CTNNA3: variants seen among roughly 807,000 people sequenced by gnomAD.
CTNNA3 encodes catenin alpha 3.
CTNNA3 carries 76 observed loss-of-function variants against 95.7 expected under a neutral mutation model. The ratio of observed to expected loss-of-function variants is 0.79; its 90% CI spans 0.66 to 0.96. The LOEUF (loss-of-function observed/expected upper bound fraction) is 0.96. CTNNA3 is among the 40% of genes least tolerant of loss of function. The probability of loss-of-function intolerance (pLI) is 0.00; values close to 1 mark genes in which losing one functional copy is unlikely to be tolerated. For missense variants in CTNNA3, 1,191 were observed against 1,089.8 expected, an observed-to-expected ratio of 1.09 and a Z score of -1.31; for synonymous variants, 431 against 374.4, an observed-to-expected ratio of 1.15 and a Z score of -1.74.
chr10:67,365,768 A>G (rs1238140043), intron 5 of CTNNA3, among the ~76,000 whole-genome samples: 1 of 152,254 alleles, frequency 6.6e-6, no homozygotes, highest in Admixed American at 6.5e-5. Context: ...ACGCTTTTAC[A>G]CTGTTGATGG....
intron 15 of CTNNA3, among the ~76,000 whole-genome samples, chr10:66,047,280 T>C (rs185442223): frequency 1.1e-4 from 16 of 152,252 alleles, no homozygotes; most frequent in Admixed American, 1.0e-3. Flanking sequence ...ACTAATCCAC[T>C]ATGATTAAGT....
chr10:67,659,392 C>T (rs1047122064), intron 1 of CTNNA3, among the ~76,000 whole-genome samples: 1 of 152,204 alleles, frequency 6.6e-6, no homozygotes, highest in Middle Eastern at 3.2e-3. Flanking sequence ...CAATGGCACA[C>T]ATTTTCAAAA....
intron 13 of CTNNA3, among the ~76,000 whole-genome samples, chr10:66,262,165 C>T (rs2091024049): frequency 6.6e-6 from 1 of 151,918 alleles, no homozygotes; most frequent in African/African-American, 2.4e-5. Context: ...TAATTAGCTA[C>T]GTGGATATAG....
At chr10:66,132,990 A>C (rs1252561866) in intron 13 of CTNNA3, among the ~76,000 whole-genome samples, 1 of 152,102 alleles carries the variant, frequency 6.6e-6, no homozygotes, top group Non-Finnish European at 1.5e-5. Flanking sequence ...CTGTACAGCA[A>C]ACCCCCGTGA....
intron 15 of CTNNA3, among the ~76,000 whole-genome samples, chr10:66,020,995 G>GTTGATCACTGACTCTTTC (rs1226338133): frequency 6.6e-6 from 1 of 152,060 alleles, no homozygotes; most frequent in Non-Finnish European, 1.5e-5. Flanking sequence ...TTTATTCATG[G>GTTGATCACTGACTCTTTC]TTGATCACTG....
intron 7 of CTNNA3, among the ~76,000 whole-genome samples, chr10:66,925,390 G>C (rs1847010534): frequency 6.6e-6 from 1 of 151,764 alleles, no homozygotes; most frequent in Admixed American, 6.6e-5. Flanking sequence ...ATGATCTCTT[G>C]ATTCGTATCC....
chr10:67,266,955 A>C (rs1866852501), intron 5 of CTNNA3, among the ~76,000 whole-genome samples: 1 of 152,240 alleles, frequency 6.6e-6, no homozygotes, highest in South Asian at 2.1e-4. Flanking sequence ...ATCAATTAAA[A>C]ATAATATTAA....
chr10:66,649,446 C>T (rs1279429135), intron 9 of CTNNA3, among the ~76,000 whole-genome samples: 2 of 152,136 alleles, frequency 1.3e-5, no homozygotes, highest in Admixed American at 6.5e-5. Context: ...TTTAAATCAC[C>T]TGTGAAGCCG....
chr10:66,148,428 T>A (rs975839670), intron 13 of CTNNA3, among the ~76,000 whole-genome samples: 3 of 152,040 alleles, frequency 2.0e-5, no homozygotes, highest in Admixed American at 6.6e-5. Context: ...CCCCATGGTG[T>A]TGGTATGAAT....
At chr10:67,173,204 T>C (rs1862093774) in intron 7 of CTNNA3, among the ~76,000 whole-genome samples, 1 of 152,194 alleles carries the variant, frequency 6.6e-6, no homozygotes. Flanking sequence ...CCAGATTTCC[T>C]TTATAAGGGA....
Position 66,890,374 on chromosome 10 carries a change from TC to T in CTNNA3, c.1048-114851del, listed in dbSNP as rs749539062. Among the ~76,000 whole-genome samples, 550 of 137,778 alleles carry T rather than the reference TC, an allele frequency of 4.0e-3. 11 individuals carry two copies. Among genetic ancestry groups the T allele is most frequent in the Middle Eastern group, 0.016 (4 of 256 alleles). 90.4% of individuals were successfully genotyped at this position (137,778 alleles called of 152,430 possible). On this transcript the variant is annotated intron_variant, in intron 7 of 17. Transcript: ENST00000433211. ...TCTGAGGCATTCAAAGATTTCAGAA[TC>T]AAAAAAAAAAAAATAGTAGCAAAGA...
At chr10:67,185,764 G>A (rs1589836906) in intron 6 of CTNNA3, among the ~76,000 whole-genome samples, 1 of 152,056 alleles carries the variant, frequency 6.6e-6, no homozygotes, top group Admixed American at 6.6e-5. Context: ...GCTCACACCT[G>A]TAATCCCAGC....
intron 15 of CTNNA3, among the ~76,000 whole-genome samples, chr10:65,993,972 G>A (rs57907074): frequency 0.11 from 16,395 of 152,106 alleles, 1,118 homozygotes; most frequent in East Asian, 0.2. Flanking sequence ...CTGACCTCGC[G>A]ATCTGCCCAC....
chr10:67,660,852 AC>A (rs1277759292), intron 1 of CTNNA3, among the ~76,000 whole-genome samples: 1 of 150,674 alleles, frequency 6.6e-6, no homozygotes, highest in Non-Finnish European at 1.5e-5. Flanking sequence ...AATGGCTTGA[AC>A]CCGGGAGGCA....
intron 7 of CTNNA3, among the ~76,000 whole-genome samples, chr10:66,945,966 G>C (rs1196039418): frequency 6.6e-6 from 1 of 152,150 alleles, no homozygotes; most frequent in Admixed American, 6.5e-5. Flanking sequence ...TAACATCAAA[G>C]ATCATGGATC....
At chr10:66,621,613 A>G in intron 10 of CTNNA3, 79 bp downstream of exon 10, 1 of 818,756 alleles carries the variant, frequency 1.2e-6, no homozygotes, top group Non-Finnish European at 1.9e-6. Flanking sequence ...AAGAAAAAAA[A>G]ATAGTGTATT....
chr10:66,516,832 C>T (rs1231445847), intron 11 of CTNNA3, among the ~76,000 whole-genome samples: 2 of 152,124 alleles, frequency 1.3e-5, no homozygotes. Flanking sequence ...CTTCTTTTTC[C>T]GTTTTAAATT....
chr10:66,773,125 G>T (rs1320972493), intron 8 of CTNNA3, among the ~76,000 whole-genome samples: 3 of 152,120 alleles, frequency 2.0e-5, no homozygotes, highest in African/African-American at 7.2e-5. Flanking sequence ...GTACTAGGGG[G>T]AGGGTAAGTG....
At chr10:65,978,761 TC>T in intron 16 of CTNNA3, among the ~76,000 whole-genome samples, 1 of 152,218 alleles carries the variant, frequency 6.6e-6, no homozygotes, top group Non-Finnish European at 1.5e-5. Context: ...GCCTTGTTCC[TC>T]TTTTCCATCT....
Sources: allele counts gnomAD v4.1 joint callset (sites outside exome capture counted in the v4.1 genomes callset), GRCh38; gene constraint gnomAD v4.1.1; transcripts MANE v1.5; gene names NCBI Gene and HGNC (gene_info 2026-07-23, HGNC 2026-07-21).